The following SH3BP4 variants were observed in gnomAD, a reference collection of about 807,000 sequenced individuals.
SH3BP4 encodes the protein SH3 domain-binding protein 4.
In SH3BP4, 33 loss-of-function variants were observed where a neutral mutation model predicts 65.5. That is an observed-to-expected ratio of 0.50 (90% CI 0.38 to 0.67). The LOEUF is 0.67. SH3BP4 is among the 30% of genes least tolerant of loss of function. SH3BP4 has a pLI of 0.00. For synonymous variants in SH3BP4, 552 were observed against 545.5 expected, an observed-to-expected ratio of 1.01 and a Z score of -0.17; for missense variants, 1,134 against 1,261.4, an observed-to-expected ratio of 0.90 and a Z score of 1.53.
chr2:234,971,862 G>A (rs572065435), intron 1 of SH3BP4, among the ~76,000 whole-genome samples: 1 of 152,122 alleles, frequency 6.6e-6, no homozygotes, highest in Non-Finnish European at 1.5e-5. Context: ...CTGTCGCTAG[G>A]CTGGAGTGCA....
In SH3BP4 at chr2:234,976,037, C is replaced by T. The variant is rs1693158625; in HGVS notation, c.-206-19266C>T. 6.6e-6 allele frequency among the ~76,000 whole-genome samples: 1 copy of T among 152,172 alleles called. No individual in the cohort carries two copies. Among genetic ancestry groups the T allele is most frequent in the Non-Finnish European group, 1.5e-5 (1 of 68,034 alleles). On this transcript the variant is annotated intron_variant, in intron 1 of 5. Transcript: ENST00000392011. The surrounding 1 kb of genome is among the most constrained non-coding windows in gnomAD (Gnocchi z 4.7). ...TCAGCCCCATAGAAACTGAGCTCTC[C>T]AAATTGAACGAGGACCCCAGAACAC...
At chr2:234,981,720 G>A (rs1223804126) in intron 1 of SH3BP4, 2 of 152,230 alleles carry the variant, frequency 1.3e-5, no homozygotes, top group South Asian at 2.1e-4. Flanking sequence ...CTGACTTTCG[G>A]GATGGAGGTG....
rs1050101482 is a variant in SH3BP4, at chr2:234,967,905, T to C, written c.-207+15735T>C. 6.6e-6 allele frequency among the ~76,000 whole-genome samples: 1 copy of C among 152,138 alleles called. No individual in the cohort carries two copies. Among genetic ancestry groups the C allele is most frequent in the African/African-American group, 2.4e-5 (1 of 41,450 alleles). Reference sequence around the variant, plus strand: ...TCTGTACTTTGTGGGGCTTCTCTGATTGGCCATTGTGTGTTCATCTAAGAG... The same window carrying C: ...TCTGTACTTTGTGGGGCTTCTCTGACTGGCCATTGTGTGTTCATCTAAGAG... On this transcript the variant is annotated intron_variant, in intron 1 of 5. Coordinates refer to ENST00000392011, the MANE Select transcript of SH3BP4 (RefSeq NM_014521.3). The surrounding 1 kb of genome is among the most constrained non-coding windows in gnomAD (Gnocchi z 4.6).
chr2:235,055,049 A>T lies in SH3BP4; in HGVS notation c.*1233A>T, dbSNP rs75556478. 6.6e-6 allele frequency: 1 copy of T among 152,202 alleles called. No homozygotes were observed. The highest frequency in any genetic ancestry group is 6.5e-5 in the Admixed American group (1 of 15,286). The allele number at this position is 152,202 out of a possible 1,614,324, so 9.4% of individuals were successfully genotyped here. A position where few individuals can be genotyped will look rare whatever the true frequency, so the allele number is the denominator to read the frequency against. ...TGACTCACATAAAATCAGGAACTTG[A>T]CACAGTGTTGCATTAATAACTTTAG... is the stretch of plus-strand genomic sequence containing the variant. On this transcript the variant is annotated 3_prime_UTR_variant, in exon 6 of 6. Transcript: ENST00000392011.
chr2:235,019,532 G>A (rs1478501319), intron 2 of SH3BP4, among the ~76,000 whole-genome samples: 1 of 149,438 alleles, frequency 6.7e-6, no homozygotes, highest in African/African-American at 2.5e-5. Flanking sequence ...CGCCTCCTAT[G>A]TTCAAGCGAT....
Position 235,043,170 on chromosome 2 carries a change from G to A in SH3BP4, c.2401G>A (p.Val801Ile), listed in dbSNP as rs201375905. 373 of 1,611,532 alleles carry A rather than the reference G, an allele frequency of 2.3e-4. No individual in the cohort carries two copies. Among genetic ancestry groups the A allele is most frequent in the Non-Finnish European group, 3.0e-4 (350 of 1,178,568 alleles). ...LDSEPERVAS[V>I]LEKLKEDCNN... ...TAGTGAGCCCGAGCGGGTGGCGTCC[G>A]TCCTAGAAAAGCTGAAGGAGGACTG... The change falls in exon 4 of 6, where the codon GTC becomes ATC. Residue 801 changes from valine (V) to isoleucine (I), a missense_variant. Coordinates refer to ENST00000392011, the MANE Select transcript of SH3BP4 (RefSeq NM_014521.3).
intron 1 of SH3BP4, among the ~76,000 whole-genome samples, chr2:234,984,368 A>T (rs1332538298): frequency 1.4e-5 from 2 of 145,822 alleles, no homozygotes; most frequent in Non-Finnish European, 3.0e-5. Flanking sequence ...TGCCTGGCTA[A>T]TTTTTTTTTT....
At chr2:235,038,290 A>C (rs1481225865) in intron 3 of SH3BP4, among the ~76,000 whole-genome samples, 9 of 13,144 alleles carry the variant, frequency 6.8e-4, no homozygotes, top group African/African-American at 3.4e-3. Flanking sequence ...ATTATATATA[A>C]TATATATATT....
chr2:234,955,555 AGAGGGC>A (rs1462622233), intron 1 of SH3BP4, among the ~76,000 whole-genome samples: 1 of 152,164 alleles, frequency 6.6e-6, no homozygotes, highest in Non-Finnish European at 1.5e-5. Context: ...ATCAGTCTTC[AGAGGGC>A]GAGGGAGTGC....
At chr2:235,012,261 A>C (rs1288647039) in intron 2 of SH3BP4, among the ~76,000 whole-genome samples, 1 of 152,162 alleles carries the variant, frequency 6.6e-6, no homozygotes, top group East Asian at 1.9e-4. Context: ...TCCCTGCTGC[A>C]CACAGCACAG....
chr2:234,985,517 A>G (rs1297507254), intron 1 of SH3BP4, among the ~76,000 whole-genome samples: 2 of 152,032 alleles, frequency 1.3e-5, no homozygotes. Flanking sequence ...TTTAGACCCA[A>G]TGCACACAGT....
At chr2:234,999,512 G>A (rs1270316984) in intron 2 of SH3BP4, among the ~76,000 whole-genome samples, 4 of 152,056 alleles carry the variant, frequency 2.6e-5, no homozygotes, top group Non-Finnish European at 5.9e-5. Context: ...CTGCAATTTC[G>A]GAAGGGCACC....
In SH3BP4 at chr2:235,042,845, G is replaced by A. The variant is rs752113649; in HGVS notation, c.2076G>A (p.Arg692=). The A allele has an allele frequency of 1.2e-6, 2 of 1,613,794 alleles. No homozygotes were observed. Among genetic ancestry groups the A allele is most frequent in the African/African-American group, 1.3e-5 (1 of 74,948 alleles). The change falls in exon 4 of 6, where the codon AGG becomes AGA. Residue 692 remains arginine, a synonymous_variant. Coordinates refer to ENST00000392011, the MANE Select transcript of SH3BP4 (RefSeq NM_014521.3). This position sits in a 1 kb window ranked among gnomAD's most constrained non-coding sequence, Gnocchi z 7.3. ...GIALLSEERV[R]LRGQLWTKEW... is the part of the protein sequence containing the mutation. The stretch of plus-strand genomic sequence containing the variant: ...CCCTGCTCAGCGAGGAGCGGGTCAG[G>A]CTCCGGGGCCAGCTGTGGACCAAGG...
intron 1 of SH3BP4, among the ~76,000 whole-genome samples, chr2:234,969,784 C>T (rs1206879718): frequency 6.6e-6 from 1 of 152,220 alleles, no homozygotes; most frequent in Non-Finnish European, 1.5e-5. Flanking sequence ...CCCTTACTGC[C>T]TCTGCCCAGT....
At position 234,976,327 on chromosome 2, in the gene SH3BP4, CTTTA is replaced by C. The variant is rs1368847640; in HGVS notation, c.-206-18965_-206-18962del. Among the ~76,000 whole-genome samples the C allele has an allele frequency of 6.6e-6, 1 of 152,174 alleles. No individual in the cohort carries two copies. The highest frequency in any genetic ancestry group is 1.5e-5 in the Non-Finnish European group (1 of 68,028). ...TTATAAATGCAGGCCAGGCTGTCAC[CTTTA>C]TTTATTTATTCATTCAGTCACTTAG... On this transcript the variant is annotated intron_variant, in intron 1 of 5. Coordinates refer to ENST00000392011, the MANE Select transcript of SH3BP4 (RefSeq NM_014521.3). The surrounding 1 kb of genome is among the most constrained non-coding windows in gnomAD (Gnocchi z 4.7).
rs551215468 is a variant in SH3BP4, at chr2:235,045,990, G to A, written c.2478+2743G>A. Among the ~76,000 whole-genome samples the A allele has an allele frequency of 1.7e-4, 26 of 152,264 alleles. No homozygotes were observed. The East Asian group carries it at 2.1e-3, about 12-fold the overall frequency. ...TTCCTCTCTCCACTGCCTTTAGAAC[G>A]GGGTCAGCCTTTGCCCCTGCCCCAC... On this transcript the variant is annotated intron_variant, in intron 4 of 5. Coordinates refer to ENST00000392011, the MANE Select transcript of SH3BP4 (RefSeq NM_014521.3). This position sits in a 1 kb window ranked among gnomAD's most constrained non-coding sequence, Gnocchi z 4.3.
chr2:234,972,436 G>GT, intron 1 of SH3BP4, among the ~76,000 whole-genome samples: 1 of 152,024 alleles, frequency 6.6e-6, no homozygotes, highest in African/African-American at 2.4e-5. Context: ...AATCCCTTCA[G>GT]TTTTTTTGTA....
Position 235,042,263 on chromosome 2 carries a change from C to G in SH3BP4, c.1494C>G (p.Asp498Glu), listed in dbSNP as rs767041302. The part of the protein sequence containing the change: ...FKTVVTIFGH[D>E]CAPKTLLVSE... ...CGGTAGTGACCATTTTTGGGCATGA[C>G]TGTGCCCCAAAGACGCTCCTGGTCA... Residue 498 changes from aspartate to glutamate, a missense_variant, in exon 4 of 6, where the codon GAC becomes GAG. Asp to Glu is a conservative substitution (Grantham distance 45). Transcript: ENST00000392011. The surrounding 1 kb of genome is among the most constrained non-coding windows in gnomAD (Gnocchi z 7.3). 4.3e-6 allele frequency: 7 copies of G among 1,614,144 alleles called. No homozygotes were observed. In the South Asian group the frequency reaches 5.5e-5, roughly 13 times the overall value.
At chr2:235,019,110 T>C (rs1348586067) in intron 2 of SH3BP4, among the ~76,000 whole-genome samples, 6 of 152,188 alleles carry the variant, frequency 3.9e-5, no homozygotes, top group Admixed American at 3.9e-4. Flanking sequence ...CCTCGGGGCC[T>C]AGTCAAGAGG....
Sources: allele counts gnomAD v4.1 joint callset (sites outside exome capture counted in the v4.1 genomes callset), GRCh38; gene constraint gnomAD v4.1.1; non-coding constraint Gnocchi (gnomAD v3.1); transcripts MANE v1.5; gene names NCBI Gene and HGNC (gene_info 2026-07-23, HGNC 2026-07-21).